Variants in BOLL observed in about 807,000 individuals in gnomAD.
BOLL encodes boule RNA binding protein.
Under a neutral mutation model 44.4 loss-of-function variants are expected in BOLL, and 23 were observed. That is an observed-to-expected ratio of 0.52 (90% confidence interval 0.37 to 0.73). The LOEUF is 0.73. Ranked by LOEUF, BOLL falls within the 30% of genes least tolerant of loss-of-function variation. The probability of loss-of-function intolerance (pLI) is 0.00; values close to 1 mark genes in which losing one functional copy is unlikely to be tolerated. For missense variants in BOLL, 287 were observed against 338.3 expected (o/e 0.85, Z 1.19); for synonymous variants, 97 against 110.8 (o/e 0.88, Z 0.78).
chr2:197,783,040 G>A (rs897946147), intron 1 of BOLL, among the ~76,000 whole-genome samples: 3 of 151,966 alleles, frequency 2.0e-5, no homozygotes, highest in Admixed American at 6.6e-5. Context: ...TCACATTGAA[G>A]AGAAACCAAT....
In BOLL at chr2:197,784,007, G is replaced by T. The variant is rs191869459; in HGVS notation, c.-16+1049C>A. 5.9e-5 allele frequency among the ~76,000 whole-genome samples: 9 copies of T among 152,208 alleles called. No individual in the cohort carries two copies. The East Asian group carries it at 1.7e-3, about 29-fold the overall frequency. On this transcript the variant is annotated intron_variant, in intron 1 of 10. Transcript: ENST00000392296. ...AGGATGAAATGAACGGAAGTAAACA[G>T]TGCTTTATTTCCAATCTCGAGAAAC...
intron 6 of BOLL, 131 bp downstream of exon 6, chr2:197,771,724 A>T: frequency 9.3e-7 from 1 of 1,075,150 alleles, no homozygotes; most frequent in Admixed American, 4.0e-5. Context: ...CAAAATGTTG[A>T]TGTCTATTTA....
At chr2:197,734,169 TCTC>T (rs1242292475) in intron 10 of BOLL, among the ~76,000 whole-genome samples, 3 of 151,216 alleles carry the variant, frequency 2.0e-5, no homozygotes, top group Non-Finnish European at 4.4e-5. Context: ...AACAGACACT[TCTC>T]AAAAGAAGAC....
At chr2:197,729,792 C>T (rs1687061193) in intron 10 of BOLL, among the ~76,000 whole-genome samples, 1 of 151,370 alleles carries the variant, frequency 6.6e-6, no homozygotes, top group Non-Finnish European at 1.5e-5. Flanking sequence ...GAAAGGACAT[C>T]CACACCAAAA....
intron 6 of BOLL, among the ~76,000 whole-genome samples, chr2:197,769,917 C>T (rs1689161597): frequency 6.6e-6 from 1 of 152,132 alleles, no homozygotes; most frequent in African/African-American, 2.4e-5. Context: ...TGAAAATGGC[C>T]ATACTGCCCA....
chr2:197,768,347 A>G (rs1243233009), intron 6 of BOLL, among the ~76,000 whole-genome samples: 2 of 151,992 alleles, frequency 1.3e-5, no homozygotes, highest in African/African-American at 2.4e-5. Flanking sequence ...AATAAAAAAA[A>G]GGGCTTTTCA....
chr2:197,768,529 C>T (rs190876999), intron 6 of BOLL, among the ~76,000 whole-genome samples: 1 of 151,540 alleles, frequency 6.6e-6, no homozygotes, highest in East Asian at 1.9e-4. Context: ...AACAAAATAG[C>T]AGAAAAAAGA....
chr2:197,741,692 C>G (rs1029250374), intron 10 of BOLL, among the ~76,000 whole-genome samples: 23 of 151,896 alleles, frequency 1.5e-4, no homozygotes, highest in Non-Finnish European at 2.5e-4. Flanking sequence ...CATGTTAGAC[C>G]TAAAACCATA....
chr2:197,785,408 C>A (rs1690030812), upstream of BOLL: 1 of 983,506 alleles, frequency 1.0e-6, no homozygotes, highest in Non-Finnish European at 1.2e-6. This position sits in a 1 kb window ranked among gnomAD's most constrained non-coding sequence, Gnocchi z 6.7. Flanking sequence ...GCGCCTCGGG[C>A]CTGTGCGGGC....
At chr2:197,784,614 G>A (rs1200024808) in intron 1 of BOLL, 1 of 596,922 alleles carries the variant, frequency 1.7e-6, no homozygotes, top group Non-Finnish European at 2.1e-6. Flanking sequence ...TGTATTAGTA[G>A]AGATGGGTTT....
upstream of BOLL, chr2:197,786,150 C>G (rs1432657135): frequency 1.9e-5 from 23 of 1,223,742 alleles, no homozygotes; most frequent in Admixed American, 6.5e-4. This position sits in a 1 kb window ranked among gnomAD's most constrained non-coding sequence, Gnocchi z 5.9. Context: ...TGCAGGGAAG[C>G]AGGCTCGGAC....
intron 2 of BOLL, among the ~76,000 whole-genome samples, chr2:197,780,838 G>T (rs1689736369): frequency 6.6e-6 from 1 of 151,684 alleles, no homozygotes. Context: ...TAAAATAGAA[G>T]CTTGGAAATC....
upstream of BOLL, chr2:197,786,079 G>GGA (rs1690061551): frequency 6.4e-7 from 1 of 1,557,598 alleles, no homozygotes; most frequent in Non-Finnish European, 8.7e-7. This position sits in a 1 kb window ranked among gnomAD's most constrained non-coding sequence, Gnocchi z 5.9. Flanking sequence ...CGCCAAGGCA[G>GGA]CAGCGCTGCT....
intron 7 of BOLL, among the ~76,000 whole-genome samples, chr2:197,763,478 T>TC (rs1688856007): frequency 1.3e-5 from 1 of 75,412 alleles, no homozygotes; most frequent in Non-Finnish European, 2.5e-5. Flanking sequence ...AGAGTCCGTC[T>TC]TAAAAAAAAA....
At chr2:197,781,501 G>A (rs1467667018) in intron 2 of BOLL, among the ~76,000 whole-genome samples, 1 of 152,150 alleles carries the variant, frequency 6.6e-6, no homozygotes, top group African/African-American at 2.4e-5. Context: ...GCAGCCCACA[G>A]CAAGTCAGTG....
Position 197,777,073 on chromosome 2 carries a change from T to C in BOLL, c.262A>G (p.Lys88Glu). 1 of 1,576,046 alleles carries C rather than the reference T, an allele frequency of 6.3e-7. No individual in the cohort carries two copies. The highest frequency in any genetic ancestry group is 8.7e-7 in the Non-Finnish European group (1 of 1,154,846). Residue 88 changes from lysine to glutamate, a missense_variant, in exon 4 of 11, where the codon AAA becomes GAA. Physicochemically the swap from Lys to Glu is moderately conservative, Grantham distance 56. Transcript: ENST00000392296. The stretch of plus-strand genomic sequence containing the variant: ...AAAGATCATACCTCTTGTAAAATTT[T>C]TTGTGCATCTTCTTGTGTTTCAAAA... ...VTFETQEDAQKILQEAEKLNY... is the reference protein window; with the variant it reads ...VTFETQEDAQEILQEAEKLNY...
At chr2:197,741,475 T>C (rs549616508) in intron 10 of BOLL, among the ~76,000 whole-genome samples, 138 of 152,172 alleles carry the variant, frequency 9.1e-4, no homozygotes, top group African/African-American at 3.1e-3. Flanking sequence ...TAGAGACCAA[T>C]GGAACAGAAC....
intron 10 of BOLL, among the ~76,000 whole-genome samples, chr2:197,740,097 T>A (rs1687664828): frequency 6.6e-6 from 1 of 152,188 alleles, no homozygotes; most frequent in South Asian, 2.1e-4. Flanking sequence ...ATTATGGTTT[T>A]ATTTCATGTT....
intron 10 of BOLL, among the ~76,000 whole-genome samples, chr2:197,741,792 A>G (rs1322000111): frequency 6.6e-6 from 1 of 152,190 alleles, no homozygotes; most frequent in Non-Finnish European, 1.5e-5. Context: ...CCATGGCAAC[A>G]AAAGCCAAAA....
Sources: gnomAD v4.1 joint callset for allele counts (sites outside exome capture counted in the v4.1 genomes callset) on GRCh38, gnomAD v4.1.1 for gene constraint, Gnocchi (gnomAD v3.1) non-coding constraint, MANE v1.5 for transcripts, NCBI Gene and HGNC (gene_info 2026-07-23, HGNC 2026-07-21) for gene names.